Variants in PLGRKT observed in about 807,000 individuals in gnomAD.
The protein encoded by PLGRKT is plasminogen receptor with a C-terminal lysine.
Under a neutral mutation model 18.5 loss-of-function variants are expected in PLGRKT, and 22 were observed. That is an observed-to-expected ratio of 1.19 (90% confidence interval 0.85 to 1.70). The LOEUF (loss-of-function observed/expected upper bound fraction) is 1.70. Ranked by LOEUF, PLGRKT falls within the 40% of genes most tolerant of loss-of-function variation. PLGRKT has a pLI of 0.00. For synonymous variants in PLGRKT, 72 were observed against 52.8 expected, an observed-to-expected ratio of 1.36 and a Z score of -1.58; for missense variants, 235 against 174.4, an observed-to-expected ratio of 1.35 and a Z score of -1.96.
intron 3 of PLGRKT, among the ~76,000 whole-genome samples, chr9:5,363,615 C>T (rs1586698451): frequency 6.6e-6 from 1 of 152,090 alleles, no homozygotes; most frequent in African/African-American, 2.4e-5. Flanking sequence ...CTGCTCCCTC[C>T]CAACATTCTC....
chr9:5,381,701 G>C (rs898304987), intron 3 of PLGRKT, among the ~76,000 whole-genome samples: 1 of 152,240 alleles, frequency 6.6e-6, no homozygotes, highest in Non-Finnish European at 1.5e-5. Flanking sequence ...TCACCTCTTG[G>C]GAGGAGATGA....
chr9:5,361,625 A>AG, intron 4 of PLGRKT, 133 bp downstream of exon 4: 2 of 761,322 alleles, frequency 2.6e-6, no homozygotes, highest in Non-Finnish European at 4.2e-6. Context: ...CCAAGGACTA[A>AG]GGTTAATAGG....
chr9:5,360,419 G>C lies in PLGRKT; in HGVS notation c.322+659C>G, dbSNP rs151216265. Among the ~76,000 whole-genome samples the C allele has an allele frequency of 2.0e-5, 3 of 152,288 alleles. No homozygotes were observed. In the East Asian group the frequency reaches 5.8e-4, roughly 29 times the overall value. ...TCATGGTAATGGGAAGGCAGCCACA[G>C]ACAATACATAAATGAATGAGCATGG... On this transcript the variant is annotated intron_variant, in intron 5 of 5. Coordinates refer to ENST00000223864, the MANE Select transcript of PLGRKT (RefSeq NM_018465.4).
intron 1 of PLGRKT, among the ~76,000 whole-genome samples, chr9:5,437,016 G>A (rs1818973617): frequency 6.6e-6 from 1 of 152,256 alleles, no homozygotes; most frequent in South Asian, 2.1e-4. Context: ...AAACATCACT[G>A]TGTCTCAGAG....
chr9:5,377,915 A>G (rs994587063), intron 3 of PLGRKT, among the ~76,000 whole-genome samples: 1 of 152,226 alleles, frequency 6.6e-6, no homozygotes. Flanking sequence ...GAAAGAAAAA[A>G]TAGAAGGCAG....
chr9:5,429,823 C>T (rs933761180), intron 3 of PLGRKT, among the ~76,000 whole-genome samples: 4 of 152,160 alleles, frequency 2.6e-5, no homozygotes, highest in East Asian at 1.9e-4. Flanking sequence ...AAAAAGGGGA[C>T]GCAATCGTTG....
At chr9:5,430,301 G>C (rs1818796084) in intron 3 of PLGRKT, among the ~76,000 whole-genome samples, 1 of 152,198 alleles carries the variant, frequency 6.6e-6, no homozygotes, top group Admixed American at 6.5e-5. Context: ...AAACCCTGTA[G>C]TTTCCAAAGG....
chr9:5,424,668 T>TTTTATA (rs1554634176), intron 3 of PLGRKT, among the ~76,000 whole-genome samples: 1 of 113,160 alleles, frequency 8.8e-6, no homozygotes, highest in African/African-American at 4.1e-5. Context: ...ATTATATATT[T>TTTTATA]TATATATATA....
At chr9:5,432,968 T>C (rs1180305626) in intron 2 of PLGRKT, among the ~76,000 whole-genome samples, 1 of 151,312 alleles carries the variant, frequency 6.6e-6, no homozygotes, top group Admixed American at 6.6e-5. Context: ...GTCTGGGAGG[T>C]GAGGAGCATC....
intron 3 of PLGRKT, chr9:5,382,068 G>C: frequency 1.1e-6 from 1 of 919,602 alleles, no homozygotes; most frequent in South Asian, 5.0e-5. Flanking sequence ...CAACTTTCCT[G>C]TTTTATTCTT....
intron 3 of PLGRKT, among the ~76,000 whole-genome samples, chr9:5,395,078 G>T (rs1818019481): frequency 1.4e-5 from 2 of 145,548 alleles, no homozygotes; most frequent in Admixed American, 1.4e-4. Context: ...ATTACACTTA[G>T]ATTTTCCTAG....
At chr9:5,400,851 C>G (rs1818140706) in intron 3 of PLGRKT, among the ~76,000 whole-genome samples, 1 of 151,844 alleles carries the variant, frequency 6.6e-6, no homozygotes, top group Non-Finnish European at 1.5e-5. Flanking sequence ...CGCTGCTATT[C>G]AGCCATATGA....
rs555731210 is a variant in PLGRKT at position 5,431,974 on chromosome 9, C to G, written c.4G>C (p.Gly2Arg). Residue 2 changes from glycine (G) to arginine (R), a missense_variant, in exon 3 of 6, where the codon GGG (glycine) becomes CGG (arginine). Transcript: ENST00000223864. MGFIFSKSMNES... is the reference protein window; with the variant it reads MRFIFSKSMNES... ...TTCATAGATTTTGAAAATATAAACC[C>G]CATTTTGACCTAAAATGTAAAAAAA... 2 of 1,441,224 alleles carry G rather than the reference C, an allele frequency of 1.4e-6. No homozygotes were observed. The highest frequency in any genetic ancestry group is 1.4e-5 in the African/African-American group (1 of 71,736). The allele number at this position is 1,441,224 out of a possible 1,614,324, so 89.3% of individuals were successfully genotyped here. A position where few individuals can be genotyped will look rare whatever the true frequency, so the allele number is the denominator to read the frequency against.
intron 2 of PLGRKT, among the ~76,000 whole-genome samples, chr9:5,435,270 C>G (rs1221008704): frequency 1.3e-5 from 2 of 150,512 alleles, no homozygotes; most frequent in African/African-American, 4.9e-5. Flanking sequence ...TATCCTATGA[C>G]CCTGCCACAT....
intron 3 of PLGRKT, among the ~76,000 whole-genome samples, chr9:5,372,406 T>A (rs1302342455): frequency 6.6e-6 from 1 of 152,084 alleles, no homozygotes; most frequent in Non-Finnish European, 1.5e-5. Context: ...AGTCTATGAG[T>A]TGCAGACAAT....
intron 4 of PLGRKT, 149 bp from the exon 5 acceptor site, chr9:5,361,336 A>G (rs1472488193): frequency 1.7e-6 from 1 of 590,104 alleles, no homozygotes; most frequent in Non-Finnish European, 3.0e-6. Context: ...CTATGGAAAT[A>G]GGATTTCCTT....
chr9:5,414,129 G>C (rs1021205507), intron 3 of PLGRKT, among the ~76,000 whole-genome samples: 3 of 152,170 alleles, frequency 2.0e-5, no homozygotes, highest in Non-Finnish European at 2.9e-5. Flanking sequence ...ATGGGAATGA[G>C]TTAATAGGGA....
intron 3 of PLGRKT, among the ~76,000 whole-genome samples, chr9:5,365,903 T>C (rs1391375930): frequency 2.6e-5 from 4 of 152,150 alleles, no homozygotes; most frequent in African/African-American, 9.7e-5. Flanking sequence ...AAAGGCAATC[T>C]TGTCCATCTT....
intron 3 of PLGRKT, among the ~76,000 whole-genome samples, chr9:5,372,432 C>T (rs981564717): frequency 1.5e-4 from 23 of 152,128 alleles, no homozygotes; most frequent in Admixed American, 1.5e-3. Flanking sequence ...CCATCCTAAA[C>T]AGTAGTTTGA....
Sources: allele counts gnomAD v4.1 joint callset (sites outside exome capture counted in the v4.1 genomes callset), GRCh38; gene constraint gnomAD v4.1.1; transcripts MANE v1.5; gene names NCBI Gene and HGNC (gene_info 2026-07-23, HGNC 2026-07-21).